KCNIP1: variants seen among roughly 807,000 people sequenced by gnomAD.
KCNIP1 encodes the protein A-type potassium channel modulatory protein KCNIP1.
In KCNIP1, 18 loss-of-function variants were observed where a neutral mutation model predicts 33.0. The ratio of observed to expected loss-of-function variants is 0.55; its 90% CI spans 0.38 to 0.81. The LOEUF (loss-of-function observed/expected upper bound fraction) is 0.81, where lower values mean the gene tolerates loss of function less well. Ranked by LOEUF, KCNIP1 falls within the 30% of genes least tolerant of loss-of-function variation. The probability of loss-of-function intolerance (pLI) is 0.00; values close to 1 mark genes in which losing one functional copy is unlikely to be tolerated. For synonymous variants in KCNIP1, 93 were observed against 98.3 expected (o/e 0.95, Z 0.32); for missense variants, 238 against 271.6 (o/e 0.88, Z 0.87).
intron 1 of KCNIP1, among the ~76,000 whole-genome samples, chr5:170,452,617 C>T (rs1417872334): frequency 6.6e-6 from 1 of 152,144 alleles, no homozygotes; most frequent in Non-Finnish European, 1.5e-5. Context: ...TTCTCCTTTG[C>T]CTCTCAGGAA....
At chr5:170,499,702 A>T (rs189515904), upstream of KCNIP1, among the ~76,000 whole-genome samples, 15 of 152,328 alleles carry the variant, frequency 9.8e-5, no homozygotes, top group East Asian at 2.9e-3. Context: ...AGCAGGGAGG[A>T]AGAAATAAAT....
At chr5:170,401,832 T>C (rs540858295) in intron 1 of KCNIP1, among the ~76,000 whole-genome samples, 3 of 152,028 alleles carry the variant, frequency 2.0e-5, no homozygotes, top group South Asian at 2.1e-4. Flanking sequence ...GCCTGGCACA[T>C]GGCTCCCTAC....
In KCNIP1 at chr5:170,602,348, G is replaced by A. The variant is rs1487377181; in HGVS notation, c.61+97715G>A. 2.0e-5 allele frequency among the ~76,000 whole-genome samples: 3 copies of A among 152,318 alleles called. No homozygotes were observed. In the East Asian group the frequency reaches 5.8e-4, roughly 29 times the overall value. The stretch of plus-strand genomic sequence containing the variant: ...GACCTGGAATCAAATCCCACCGCTG[G>A]GCCTCAATGCCAGTGGAGACAGGAA... On this transcript the variant is annotated intron_variant, in intron 1 of 7. Coordinates refer to ENST00000328939, the MANE Select transcript of KCNIP1 (RefSeq NM_014592.4).
chr5:170,671,443 T>G (rs1316206285), intron 1 of KCNIP1, among the ~76,000 whole-genome samples: 1 of 152,170 alleles, frequency 6.6e-6, no homozygotes, highest in Non-Finnish European at 1.5e-5. Context: ...TTTTCCTCCT[T>G]CAGCTCTTAG....
At chr5:170,373,558 T>C in intron 1 of KCNIP1, among the ~76,000 whole-genome samples, 1 of 152,250 alleles carries the variant, frequency 6.6e-6, no homozygotes, top group East Asian at 1.9e-4. Flanking sequence ...TATTTTAAAA[T>C]AATAATACAT....
intron 1 of KCNIP1, among the ~76,000 whole-genome samples, chr5:170,650,760 A>G (rs2113720957): frequency 6.6e-6 from 1 of 152,328 alleles, no homozygotes; most frequent in Non-Finnish European, 1.5e-5. Context: ...TTTCCAAAGT[A>G]GATGTAGCAT....
At chr5:170,420,940 G>A (rs1476239385) in intron 1 of KCNIP1, among the ~76,000 whole-genome samples, 2 of 152,190 alleles carry the variant, frequency 1.3e-5, no homozygotes, top group Non-Finnish European at 2.9e-5. Context: ...GGGTCTGCCA[G>A]CCGGACAGCG....
At chr5:170,596,993 G>A (rs999185015) in intron 1 of KCNIP1, among the ~76,000 whole-genome samples, 4 of 152,214 alleles carry the variant, frequency 2.6e-5, no homozygotes, top group African/African-American at 9.6e-5. Flanking sequence ...TTATGCTGTA[G>A]GTGAGTTTTA....
chr5:170,447,147 C>G (rs1278558194), intron 1 of KCNIP1, among the ~76,000 whole-genome samples: 1 of 152,160 alleles, frequency 6.6e-6, no homozygotes, highest in Non-Finnish European at 1.5e-5. Flanking sequence ...TGGGAAAGCT[C>G]CTACTGCATG....
rs150669165 is a variant in KCNIP1 at position 170,573,064 on chromosome 5, G to T, written c.61+68431G>T. Among the ~76,000 whole-genome samples, 714 of 152,346 alleles carry T rather than the reference G, an allele frequency of 4.7e-3. 4 individuals are homozygous for T. Among genetic ancestry groups the T allele is most frequent in the Non-Finnish European group, 7.7e-3 (522 of 68,034 alleles). On this transcript the variant is annotated intron_variant, in intron 1 of 7. Transcript: ENST00000328939. ...AGCAGAGCAGAGGGGCCAGTCCCCA[G>T]CCCAGAGCTCCCACCTCGGCTCTGG...
intron 1 of KCNIP1, among the ~76,000 whole-genome samples, chr5:170,619,748 C>T (rs1296363170): frequency 6.6e-5 from 10 of 152,294 alleles, no homozygotes; most frequent in Admixed American, 6.5e-4. Context: ...AACTTCTTGC[C>T]TTCTTGGTAC....
intron 1 of KCNIP1, among the ~76,000 whole-genome samples, chr5:170,687,303 T>C (rs1762571846): frequency 6.6e-6 from 1 of 151,952 alleles, no homozygotes; most frequent in African/African-American, 2.4e-5. Flanking sequence ...TGCCTCAGCC[T>C]CTTGAGTAGC....
chr5:170,670,915 A>AAG (rs1554109780), intron 1 of KCNIP1, among the ~76,000 whole-genome samples: 2 of 138,812 alleles, frequency 1.4e-5, no homozygotes, highest in South Asian at 4.5e-4. Flanking sequence ...AAAAAAAAAT[A>AAG]AAAAAAAAAG....
chr5:170,430,014 C>T (rs1244153033), intron 1 of KCNIP1, among the ~76,000 whole-genome samples: 1 of 152,192 alleles, frequency 6.6e-6, no homozygotes, highest in Admixed American at 6.5e-5. Flanking sequence ...CAAAGACTCC[C>T]ACTGATGTCC....
chr5:170,523,975 T>G (rs533838020), intron 1 of KCNIP1, among the ~76,000 whole-genome samples: 1 of 152,152 alleles, frequency 6.6e-6, no homozygotes, highest in East Asian at 1.9e-4. Flanking sequence ...AGATGTGTCT[T>G]GGCTCCTGCC....
intron 1 of KCNIP1, among the ~76,000 whole-genome samples, chr5:170,685,962 A>G (rs968618873): frequency 6.6e-6 from 1 of 152,196 alleles, no homozygotes; most frequent in Non-Finnish European, 1.5e-5. Context: ...TTTATATTCA[A>G]TTACACAAGT....
chr5:170,485,207 C>T (rs1335790101), intron 1 of KCNIP1, among the ~76,000 whole-genome samples: 10 of 152,108 alleles, frequency 6.6e-5, no homozygotes, highest in African/African-American at 1.7e-4. Flanking sequence ...CTCAAAGTGC[C>T]AGGATTATAG....
At chr5:170,720,227 G>T in intron 2 of KCNIP1, 94 bp from the exon 3 acceptor site, 2 of 851,800 alleles carry the variant, frequency 2.3e-6, no homozygotes, top group Non-Finnish European at 4.0e-6. Context: ...TGTCCCTGGG[G>T]ATCATGAGGA....
chr5:170,566,373 G>A (rs1380210116), intron 1 of KCNIP1, among the ~76,000 whole-genome samples: 3 of 152,138 alleles, frequency 2.0e-5, no homozygotes, highest in South Asian at 2.1e-4. Flanking sequence ...GATTACAGGC[G>A]TTAGCCACCG....
Sources: gnomAD v4.1 joint callset for allele counts (sites outside exome capture counted in the v4.1 genomes callset) on GRCh38, gnomAD v4.1.1 for gene constraint, MANE v1.5 for transcripts, NCBI Gene and HGNC (gene_info 2026-07-23, HGNC 2026-07-21) for gene names.